The following CDH8 variants were observed in gnomAD, a reference collection of about 807,000 sequenced individuals.
CDH8 encodes cadherin-8.
In CDH8, 17 loss-of-function variants were observed where a neutral mutation model predicts 68.1. The observed-to-expected ratio is 0.25, with a 90% CI of 0.17 to 0.37. The LOEUF (loss-of-function observed/expected upper bound fraction) is 0.37, where lower values mean the gene tolerates loss of function less well. Among genes scored for constraint, CDH8 ranks in the 10% least tolerant of loss-of-function variants. The pLI is 1.00. For missense variants in CDH8, 763 were observed against 999.3 expected (o/e 0.76, Z 3.19); for synonymous variants, 372 against 365.1 (o/e 1.02, Z -0.21).
chr16:61,990,302 G>GT (rs1965693446), intron 2 of CDH8, among the ~76,000 whole-genome samples: 1 of 131,522 alleles, frequency 7.6e-6, no homozygotes, highest in African/African-American at 2.7e-5. Context: ...TCTTGAAGAA[G>GT]TCCTTTTTTT....
chr16:61,755,264 T>G (rs2142956235), intron 8 of CDH8, among the ~76,000 whole-genome samples: 2 of 152,264 alleles, frequency 1.3e-5, no homozygotes, highest in Middle Eastern at 6.8e-3. Flanking sequence ...TGTATAATTA[T>G]CACAAGGAGT....
chr16:62,035,161 G>C (rs1902423668), intron 1 of CDH8: 1 of 152,270 alleles, frequency 6.6e-6, no homozygotes, highest in African/African-American at 2.4e-5. Flanking sequence ...AACCGGAGTA[G>C]GTCCCTTATG....
At chr16:61,881,825 A>C (rs1963583581) in intron 3 of CDH8, among the ~76,000 whole-genome samples, 1 of 152,194 alleles carries the variant, frequency 6.6e-6, no homozygotes, top group African/African-American at 2.4e-5. Flanking sequence ...CTGGCTTCAA[A>C]GCCGGAGCTT....
intron 8 of CDH8, among the ~76,000 whole-genome samples, chr16:61,763,896 T>C (rs1338893422): frequency 6.6e-6 from 1 of 152,150 alleles, no homozygotes; most frequent in Non-Finnish European, 1.5e-5. Flanking sequence ...AATAAATGGC[T>C]AATGGAGCAA....
chr16:61,866,188 C>T (rs1420397809), intron 3 of CDH8, among the ~76,000 whole-genome samples: 2 of 151,878 alleles, frequency 1.3e-5, no homozygotes, highest in Non-Finnish European at 1.5e-5. Context: ...CATGCTACTG[C>T]ACTCCAGCCT....
chr16:61,825,924 T>G (rs970579771), intron 4 of CDH8, among the ~76,000 whole-genome samples: 8 of 151,884 alleles, frequency 5.3e-5, no homozygotes, highest in African/African-American at 1.9e-4. Flanking sequence ...TTCATGTGGG[T>G]TTGTCTGTTT....
intron 2 of CDH8, among the ~76,000 whole-genome samples, chr16:61,999,318 T>G (rs755380866): frequency 6.6e-6 from 1 of 152,192 alleles, no homozygotes; most frequent in African/African-American, 2.4e-5. Flanking sequence ...ACTCCACCAC[T>G]AATTTTGCTA....
At chr16:61,841,803 C>A (rs1425194383) in intron 4 of CDH8, among the ~76,000 whole-genome samples, 1 of 151,896 alleles carries the variant, frequency 6.6e-6, no homozygotes, top group Non-Finnish European at 1.5e-5. Flanking sequence ...CTACTATGTA[C>A]CCATGAAATT....
intron 8 of CDH8, among the ~76,000 whole-genome samples, chr16:61,751,176 G>A (rs17248975): frequency 0.16 from 24,936 of 151,378 alleles, 2,205 homozygotes; most frequent in Middle Eastern, 0.21. Flanking sequence ...AATAAATACC[G>A]ATGCAATACA....
chr16:61,648,098 A>C lies in CDH8; in HGVS notation c.*5510T>G, dbSNP rs1194039968. On this transcript the variant is annotated 3_prime_UTR_variant, in exon 12 of 12. Transcript: ENST00000577390. Reference sequence around the variant, plus strand: ...AAAGGAAGGAGGAGAATACATACAAAAACACTTACAACATTACAACTCAGG... The same window carrying C: ...AAAGGAAGGAGGAGAATACATACAACAACACTTACAACATTACAACTCAGG... 2.2e-6 allele frequency: 1 copy of C among 449,800 alleles called. No individual in the cohort carries two copies. Among genetic ancestry groups the C allele is most frequent in the Non-Finnish European group, 4.0e-6 (1 of 251,926 alleles). The allele number at this position is 449,800 out of a possible 1,614,324, so 27.9% of individuals were successfully genotyped here.
chr16:61,658,773 T>C (rs1963500163), intron 10 of CDH8, among the ~76,000 whole-genome samples: 2 of 152,160 alleles, frequency 1.3e-5, no homozygotes, highest in Non-Finnish European at 2.9e-5. Flanking sequence ...TAAAAATTCC[T>C]ATAAGAAACT....
At chr16:61,936,357 A>G (rs1268591131) in intron 2 of CDH8, among the ~76,000 whole-genome samples, 1 of 152,118 alleles carries the variant, frequency 6.6e-6, no homozygotes, top group Non-Finnish European at 1.5e-5. Context: ...TAAAAACACC[A>G]CCAACATTTA....
At chr16:61,657,733 C>T (rs1963476317) in intron 10 of CDH8, among the ~76,000 whole-genome samples, 6 of 152,058 alleles carry the variant, frequency 3.9e-5, no homozygotes. Context: ...ATTAATAAAA[C>T]TGAAATGAGG....
At position 61,650,499 on chromosome 16, in the gene CDH8, A is replaced by G. The variant is rs1567401775; in HGVS notation, c.*3109T>C. ...CAACAATGCACATAGCTTTAAAAAT[A>G]TAGTCATTTCAATAAAGTTTTTAAA... is the stretch of plus-strand genomic sequence containing the variant. On this transcript the variant is annotated 3_prime_UTR_variant, in exon 12 of 12. Coordinates refer to ENST00000577390, the MANE Select transcript of CDH8 (RefSeq NM_001796.5). The G allele has an allele frequency of 6.6e-6, 1 of 152,264 alleles. No individual in the cohort carries two copies. Among genetic ancestry groups the G allele is most frequent in the South Asian group, 2.1e-4 (1 of 4,828 alleles). 9.4% of individuals were successfully genotyped at this position (152,264 alleles called of 1,614,324 possible).
intron 2 of CDH8, among the ~76,000 whole-genome samples, chr16:61,904,489 A>G (rs761397345): frequency 6.6e-6 from 1 of 152,250 alleles, no homozygotes; most frequent in Non-Finnish European, 1.5e-5. Context: ...TCCAGGCCTC[A>G]GGGCAGGAGG....
chr16:61,832,686 C>A (rs1190628212), intron 4 of CDH8, among the ~76,000 whole-genome samples: 1 of 151,358 alleles, frequency 6.6e-6, no homozygotes, highest in East Asian at 1.9e-4. Flanking sequence ...AAAAGAAAAT[C>A]AATTTAAATA....
intron 3 of CDH8, among the ~76,000 whole-genome samples, chr16:61,883,577 T>C (rs1354176417): frequency 6.6e-6 from 1 of 151,888 alleles, no homozygotes; most frequent in African/African-American, 2.4e-5. Flanking sequence ...TAAAGTTTCT[T>C]TTTTAAATCA....
intron 1 of CDH8, among the ~76,000 whole-genome samples, chr16:62,034,396 C>T (rs537123408): frequency 5.8e-4 from 89 of 152,292 alleles, no homozygotes; most frequent in African/African-American, 2.0e-3. Context: ...ATCTTTCCCA[C>T]ATATAGTTTT....
intron 7 of CDH8, among the ~76,000 whole-genome samples, chr16:61,813,614 G>T (rs985810869): frequency 5.3e-5 from 8 of 152,180 alleles, no homozygotes; most frequent in African/African-American, 1.9e-4. Context: ...CCGTGTCCTA[G>T]CCGGGAGGAT....
Sources: gnomAD v4.1 joint callset for allele counts (sites outside exome capture counted in the v4.1 genomes callset) on GRCh38, gnomAD v4.1.1 for gene constraint, MANE v1.5 for transcripts, NCBI Gene and HGNC (gene_info 2026-07-23, HGNC 2026-07-21) for gene names.